Variants in NGF observed in about 807,000 individuals in gnomAD.
NGF encodes the protein nerve growth factor.
A neutral mutation model predicts 12.8 loss-of-function variants in NGF; 4 were observed. That is an observed-to-expected ratio of 0.31 (90% CI 0.15 to 0.72). NGF has a LOEUF of 0.72. NGF is among the 30% of genes least tolerant of loss of function. NGF has a pLI of 0.69. For missense variants in NGF, 283 were observed against 330.8 expected, an observed-to-expected ratio of 0.86 and a Z score of 1.12; for synonymous variants, 140 against 130.0, an observed-to-expected ratio of 1.08 and a Z score of -0.52.
At chr1:115,308,989 A>G (rs1654275053) in intron 1 of NGF, among the ~76,000 whole-genome samples, 1 of 152,234 alleles carries the variant, frequency 6.6e-6, no homozygotes. Context: ...TGATTTTAGA[A>G]TGCAGCCCCT....
At chr1:115,324,766 C>T (rs1443275468) in intron 1 of NGF, among the ~76,000 whole-genome samples, 1 of 152,168 alleles carries the variant, frequency 6.6e-6, no homozygotes, top group East Asian at 1.9e-4. Flanking sequence ...CTGGTCTACG[C>T]CAGAAAGCAT....
In NGF at chr1:115,286,523, G is replaced by A; in HGVS notation, c.273C>T (p.Thr91=). Residue 91 remains threonine (T), a synonymous_variant, in exon 3 of 3, where the codon ACC becomes ACT. Transcript: ENST00000369512. ...RLRSPRVLFS[T]QPPREAADTQ... is the part of the protein sequence containing the mutation. ...TGTCTGCAGCTTCACGGGGAGGCTG[G>A]GTGCTAAACAGCACACGGGGTGAAC... is the stretch of plus-strand genomic sequence containing the variant. The A allele has an allele frequency of 1.2e-6, 2 of 1,614,170 alleles. No homozygotes were observed. The highest frequency in any genetic ancestry group is 1.1e-5 in the South Asian group (1 of 91,078).
intron 1 of NGF, among the ~76,000 whole-genome samples, chr1:115,328,040 C>T (rs1290827491): frequency 6.6e-6 from 1 of 152,164 alleles, no homozygotes; most frequent in African/African-American, 2.4e-5. Flanking sequence ...GATATCTTAG[C>T]TGCCTAAAAA....
intron 1 of NGF, among the ~76,000 whole-genome samples, chr1:115,305,509 A>C (rs930096078): frequency 3.3e-5 from 5 of 152,224 alleles, no homozygotes; most frequent in Admixed American, 1.3e-4. Context: ...GATATGGATA[A>C]TGTATAGGTG....
At chr1:115,298,005 T>A (rs1653921972) in intron 1 of NGF, among the ~76,000 whole-genome samples, 1 of 152,148 alleles carries the variant, frequency 6.6e-6, no homozygotes, top group African/African-American at 2.4e-5. Context: ...AGCTAGTAAT[T>A]AAGAGAGATT....
chr1:115,300,528 C>T (rs969570912), intron 1 of NGF, among the ~76,000 whole-genome samples: 9 of 152,246 alleles, frequency 5.9e-5, no homozygotes, highest in Admixed American at 2.0e-4. Context: ...GCACCAAACA[C>T]ATCCCAAGGG....
At chr1:115,315,489 C>A (rs1654451769) in intron 1 of NGF, among the ~76,000 whole-genome samples, 1 of 152,034 alleles carries the variant, frequency 6.6e-6, no homozygotes, top group South Asian at 2.1e-4. Context: ...TGACGCCAAG[C>A]TTTTTGGCAC....
rs985416089 is a variant in NGF at position 115,318,461 on chromosome 1, A to G, written c.-137+19743T>C. ...AGGCAGTGTCAGGAAAAGGAGTAGCATGTGAGCTGTGCCGACAGGCCACAG... is the reference window on the plus strand; with the variant it reads ...AGGCAGTGTCAGGAAAAGGAGTAGCGTGTGAGCTGTGCCGACAGGCCACAG... On this transcript the variant is annotated intron_variant, in intron 1 of 2. Coordinates refer to ENST00000369512, the MANE Select transcript of NGF (RefSeq NM_002506.3). 2.0e-5 allele frequency among the ~76,000 whole-genome samples: 3 copies of G among 152,160 alleles called. No homozygotes were observed. The East Asian group carries it at 5.8e-4, about 29-fold the overall frequency.
chr1:115,333,689 CTTTCTTTCTTTCTTTCTTTCTTTCT>C (rs1178857688), intron 1 of NGF, among the ~76,000 whole-genome samples: 836 of 59,104 alleles, frequency 0.014, 10 homozygotes, highest in African/African-American at 0.1. Flanking sequence ...TTCTTTCTTT[CTTTCTTTCTTTCTTTCTTTCTTTCT>C]TTTCTTTCTT....
At chr1:115,313,064 T>C (rs1226819786) in intron 1 of NGF, among the ~76,000 whole-genome samples, 1 of 152,156 alleles carries the variant, frequency 6.6e-6, no homozygotes, top group Non-Finnish European at 1.5e-5. Flanking sequence ...GCTTTGAAAA[T>C]TGGTATAATA....
chr1:115,306,872 C>T (rs1041901561), intron 1 of NGF, among the ~76,000 whole-genome samples: 3 of 152,214 alleles, frequency 2.0e-5, no homozygotes, highest in African/African-American at 4.8e-5. Flanking sequence ...ATCAGAAGGG[C>T]ACACCATGGC....
intron 1 of NGF, among the ~76,000 whole-genome samples, chr1:115,301,025 T>C (rs920472857): frequency 6.6e-6 from 1 of 152,216 alleles, no homozygotes. Context: ...TCAGGAGAGA[T>C]GAAAACCTGC....
intron 1 of NGF, among the ~76,000 whole-genome samples, chr1:115,297,077 C>T (rs937491900): frequency 6.6e-6 from 1 of 152,188 alleles, no homozygotes; most frequent in Non-Finnish European, 1.5e-5. Context: ...TGCTTTAAAG[C>T]AGTGGTTCTC....
rs67307707 is a variant in NGF, at chr1:115,337,267, G to GTTTTTTTTTTTTTTTTT, written c.-137+920_-137+936dup. On this transcript the variant is annotated intron_variant, in intron 1 of 2. Coordinates refer to ENST00000369512, the MANE Select transcript of NGF (RefSeq NM_002506.3). The stretch of plus-strand genomic sequence containing the variant: ...TCGAAATTTTTTTTGTTTTGTTTTT[G>GTTTTTTTTTTTTTTTTT]TTTTTTTTTTTTTTTTTTTTTTTTT... Among the ~76,000 whole-genome samples the GTTTTTTTTTTTTTTTTT allele has an allele frequency of 7.0e-4, 57 of 81,030 alleles. 9 individuals are homozygous for GTTTTTTTTTTTTTTTTT. Among genetic ancestry groups the GTTTTTTTTTTTTTTTTT allele is most frequent in the Non-Finnish European group, 1.2e-3 (50 of 42,674 alleles). The allele number at this position is 81,030 out of a possible 152,430, so 53.2% of individuals were successfully genotyped here.
chr1:115,324,974 A>G (rs867428274), intron 1 of NGF, among the ~76,000 whole-genome samples: 4 of 152,250 alleles, frequency 2.6e-5, no homozygotes, highest in Admixed American at 1.3e-4. Context: ...GAGGAGACAG[A>G]TAATAAAATA....
At chr1:115,291,089 A>G (rs952659440) in intron 2 of NGF, among the ~76,000 whole-genome samples, 4 of 152,182 alleles carry the variant, frequency 2.6e-5, no homozygotes, top group Non-Finnish European at 4.4e-5. Context: ...TTTAATCACA[A>G]TGGAGATTTG....
At position 115,337,292 on chromosome 1, in the gene NGF, T is replaced by G. The variant is rs1319371061; in HGVS notation, c.-137+912A>C. 1.9e-4 allele frequency among the ~76,000 whole-genome samples: 26 copies of G among 134,200 alleles called. 2 individuals are homozygous for G. The highest frequency in any genetic ancestry group is 3.7e-3 in the Middle Eastern group (1 of 270). 88.0% of individuals were successfully genotyped at this position (134,200 alleles called of 152,430 possible). On this transcript the variant is annotated intron_variant, in intron 1 of 2. Coordinates refer to ENST00000369512, the MANE Select transcript of NGF (RefSeq NM_002506.3). ...GTTTTTTTTTTTTTTTTTTTTTTTT[T>G]TTTTTTTTTTTTTAGAAGGAGGTTT...
intron 1 of NGF, among the ~76,000 whole-genome samples, chr1:115,296,870 A>T (rs1348970237): frequency 6.6e-6 from 1 of 152,366 alleles, no homozygotes; most frequent in South Asian, 2.1e-4. Flanking sequence ...ACCCAAATGC[A>T]TATCTATTTT....
rs201087374 is a variant in NGF at position 115,286,605 on chromosome 1, G to T, written c.191C>A (p.Ala64Glu). The T allele has an allele frequency of 1.2e-6, 2 of 1,614,180 alleles. No individual in the cohort carries two copies. The highest frequency in any genetic ancestry group is 2.7e-5 in the African/African-American group (2 of 75,062). Reference protein sequence around the residue: ...APAAAIAARVAGQTRNITVDP... With the variant: ...APAAAIAARVEGQTRNITVDP... ...CACAGTAATGTTGCGGGTCTGCCCCGCCACGCGTGCAGCTATCGCCGCTGC... is the reference window on the plus strand; with the variant it reads ...CACAGTAATGTTGCGGGTCTGCCCCTCCACGCGTGCAGCTATCGCCGCTGC... Residue 64 changes from alanine to glutamate, a missense_variant, in exon 3 of 3, where the codon GCG becomes GAG. By Grantham distance (107) the Ala-to-Glu change is moderately radical (BLOSUM62 -1). Transcript: ENST00000369512.
Sources: gnomAD v4.1 joint callset for allele counts (sites outside exome capture counted in the v4.1 genomes callset) on GRCh38, gnomAD v4.1.1 for gene constraint, MANE v1.5 for transcripts, NCBI Gene and HGNC (gene_info 2026-07-23, HGNC 2026-07-21) for gene names.